CDYL2: variants seen among roughly 807,000 people sequenced by gnomAD.
The protein encoded by CDYL2 is chromodomain Y-like protein 2.
In CDYL2, 23 loss-of-function variants were observed where a neutral mutation model predicts 49.4. The observed-to-expected ratio is 0.47, with a 90% CI of 0.34 to 0.66. The LOEUF (loss-of-function observed/expected upper bound fraction) is 0.66. Ranked by LOEUF, CDYL2 falls within the 30% of genes least tolerant of loss-of-function variation. The pLI is 0.01. For synonymous variants in CDYL2, 360 were observed against 268.8 expected (o/e 1.34, Z -3.32); for missense variants, 678 against 656.4 (o/e 1.03, Z -0.36).
At chr16:80,717,149 AGATG>A (rs200642445) in intron 1 of CDYL2, among the ~76,000 whole-genome samples, 9,665 of 137,974 alleles carry the variant, frequency 0.07, 340 homozygotes, top group South Asian at 0.14. Flanking sequence ...CTGGATCGAT[AGATG>A]GATGGATGGA....
chr16:80,694,199 A>T (rs1464615177), intron 1 of CDYL2, among the ~76,000 whole-genome samples: 1 of 152,182 alleles, frequency 6.6e-6, no homozygotes, highest in Non-Finnish European at 1.5e-5. Flanking sequence ...AGTTCACAAG[A>T]GGGTTCGTAC....
intron 1 of CDYL2, among the ~76,000 whole-genome samples, chr16:80,724,348 G>A (rs1036445497): frequency 6.6e-6 from 1 of 152,044 alleles, no homozygotes; most frequent in African/African-American, 2.4e-5. Flanking sequence ...AGGAAGAAAT[G>A]GAGTAGAAGG....
At chr16:80,746,167 G>T (rs776957911) in intron 1 of CDYL2, among the ~76,000 whole-genome samples, 1 of 152,102 alleles carries the variant, frequency 6.6e-6, no homozygotes, top group African/African-American at 2.4e-5. Context: ...CTGTACCTGC[G>T]TGAAAATAAG....
intron 2 of CDYL2, among the ~76,000 whole-genome samples, chr16:80,672,913 G>T (rs967440212): frequency 6.6e-6 from 1 of 152,214 alleles, no homozygotes; most frequent in Non-Finnish European, 1.5e-5. Flanking sequence ...GAAGGCTCAC[G>T]CTGGCTTGTA....
intron 3 of CDYL2, among the ~76,000 whole-genome samples, chr16:80,629,589 T>C (rs1357198284): frequency 1.3e-5 from 2 of 152,232 alleles, no homozygotes; most frequent in African/African-American, 4.8e-5. Flanking sequence ...TCTGTTTCAC[T>C]GACTCTTTCC....
At chr16:80,761,227 C>T (rs7204254) in intron 1 of CDYL2, among the ~76,000 whole-genome samples, 2 of 152,152 alleles carry the variant, frequency 1.3e-5, no homozygotes, top group Non-Finnish European at 2.9e-5. Flanking sequence ...CCAGGGGATT[C>T]TGGTGGGGCT....
At chr16:80,701,272 T>G (rs1395968156) in intron 1 of CDYL2, among the ~76,000 whole-genome samples, 3 of 152,248 alleles carry the variant, frequency 2.0e-5, no homozygotes, top group Admixed American at 6.5e-5. Context: ...TATAAAGGTC[T>G]GGAATAATTC....
At chr16:80,611,539 T>A (rs893275708) in intron 5 of CDYL2, among the ~76,000 whole-genome samples, 15 of 152,152 alleles carry the variant, frequency 9.9e-5, no homozygotes, top group African/African-American at 3.4e-4. Flanking sequence ...TCTGAACCCC[T>A]CCCTGGTCCT....
chr16:80,689,621 C>T (rs755434258), intron 1 of CDYL2, among the ~76,000 whole-genome samples: 5 of 152,110 alleles, frequency 3.3e-5, no homozygotes, highest in Non-Finnish European at 5.9e-5. Flanking sequence ...AAAGCATGAA[C>T]CATTGGAACA....
intron 2 of CDYL2, among the ~76,000 whole-genome samples, chr16:80,682,259 G>C (rs889758518): frequency 2.0e-5 from 3 of 152,180 alleles, no homozygotes; most frequent in African/African-American, 7.2e-5. Context: ...GCTCAAGTGG[G>C]AGTAGAGAAC....
At chr16:80,797,804 T>G (rs117136412) in intron 1 of CDYL2, among the ~76,000 whole-genome samples, 1 of 152,206 alleles carries the variant, frequency 6.6e-6, no homozygotes, top group African/African-American at 2.4e-5. Context: ...CTCCCTTAGT[T>G]CAAGCCACCA....
intron 1 of CDYL2, among the ~76,000 whole-genome samples, chr16:80,783,806 G>A (rs1479905306): frequency 6.6e-6 from 1 of 152,078 alleles, no homozygotes; most frequent in Non-Finnish European, 1.5e-5. Context: ...AATAGAAAAG[G>A]CCATATGTTA....
At chr16:80,745,587 G>A (rs1029330765) in intron 1 of CDYL2, among the ~76,000 whole-genome samples, 2 of 152,160 alleles carry the variant, frequency 1.3e-5, no homozygotes, top group African/African-American at 4.8e-5. Flanking sequence ...TGATGGCTGT[G>A]TACTGTAGGA....
chr16:80,765,485 T>A (rs887167697), intron 1 of CDYL2, among the ~76,000 whole-genome samples: 10 of 151,650 alleles, frequency 6.6e-5, no homozygotes, highest in Admixed American at 6.6e-5. Context: ...AATTAAAAAA[T>A]GATAGGTACA....
At chr16:80,711,030 C>T (rs1485693931) in intron 1 of CDYL2, among the ~76,000 whole-genome samples, 1 of 152,198 alleles carries the variant, frequency 6.6e-6, no homozygotes, top group Non-Finnish European at 1.5e-5. Context: ...CTGCTGCTTG[C>T]TGTAAATATG....
chr16:80,724,532 A>G (rs1905104395), intron 1 of CDYL2, among the ~76,000 whole-genome samples: 1 of 152,136 alleles, frequency 6.6e-6, no homozygotes, highest in Non-Finnish European at 1.5e-5. Context: ...AACACTCTCC[A>G]CCCACCTCAA....
intron 1 of CDYL2, among the ~76,000 whole-genome samples, chr16:80,690,492 A>C (rs1910372648): frequency 6.6e-6 from 1 of 152,192 alleles, no homozygotes; most frequent in African/African-American, 2.4e-5. Context: ...CAAGGTAAGT[A>C]ATTTTATTTT....
chr16:80,754,940 G>T (rs1906258473), intron 1 of CDYL2, among the ~76,000 whole-genome samples: 1 of 152,086 alleles, frequency 6.6e-6, no homozygotes, highest in Admixed American at 6.5e-5. Flanking sequence ...TTTACGAGGG[G>T]AAATATCATT....
At chr16:80,757,007 T>C (rs1244574497) in intron 1 of CDYL2, among the ~76,000 whole-genome samples, 1 of 152,128 alleles carries the variant, frequency 6.6e-6, no homozygotes, top group African/African-American at 2.4e-5. Context: ...GATGTAATAA[T>C]GACATTCCCA....
Sources: gnomAD v4.1 joint callset for allele counts (sites outside exome capture counted in the v4.1 genomes callset) on GRCh38, gnomAD v4.1.1 for gene constraint, MANE v1.5 for transcripts, NCBI Gene and HGNC (gene_info 2026-07-23, HGNC 2026-07-21) for gene names.